Variants in HGD observed in about 807,000 individuals in gnomAD.
HGD encodes homogentisate oxidase.
In HGD, 61 loss-of-function variants were observed where a neutral mutation model predicts 60.8. The ratio of observed to expected loss-of-function variants is 1.00; its 90% confidence interval spans 0.82 to 1.24. The LOEUF (loss-of-function observed/expected upper bound fraction) is 1.24, where lower values mean the gene tolerates loss of function less well. Ranked by LOEUF, HGD falls within the 50% of genes most tolerant of loss-of-function variation. HGD has a pLI of 0.00. For synonymous variants in HGD, 212 were observed against 187.7 expected (o/e 1.13, Z -1.06); for missense variants, 542 against 547.1 (o/e 0.99, Z 0.09).
chr3:120,644,491 G>A (rs1371927231), intron 9 of HGD, 48 bp from the exon 10 acceptor site: 1 of 1,612,882 alleles, frequency 6.2e-7, no homozygotes, highest in Non-Finnish European at 8.5e-7. Flanking sequence ...CAAAACATAG[G>A]AAAGATGCCC....
At position 120,647,880 on chromosome 3, in the gene HGD, T is replaced by C; in HGVS notation, c.466A>G (p.Ile156Val). 1 of 1,612,138 alleles carries C rather than the reference T, an allele frequency of 6.2e-7. No homozygotes were observed. The highest frequency in any genetic ancestry group is 8.5e-7 in the Non-Finnish European group (1 of 1,178,128). ...CFYNSDGDFLIVPQKGNLLIY... is the reference protein window; with the variant it reads ...CFYNSDGDFLVVPQKGNLLIY... ...GTCTGAAGTCTTCAGAACTCACCAA[T>C]CAAGAAGTCCCCATCTGAATTGTAA... Residue 156 changes from isoleucine (I) to valine (V), a missense_variant, in exon 7 of 14, where the codon ATT (isoleucine) becomes GTT (valine). Around this residue, in one of 2 missense-constraint regions of HGD, gnomAD observed 537 missense variants for 529.1 expected, o/e 1.01. Transcript: ENST00000283871.
intron 1 of HGD, among the ~76,000 whole-genome samples, chr3:120,680,420 C>T (rs1209294618): frequency 6.6e-6 from 1 of 152,108 alleles, no homozygotes; most frequent in African/African-American, 2.4e-5. Context: ...GGGAAGAATG[C>T]CTTTGAAACT....
chr3:120,644,748 A>G (rs1941108437), intron 9 of HGD: 2 of 670,100 alleles, frequency 3.0e-6, no homozygotes, highest in Non-Finnish European at 4.5e-6. Context: ...GAGAAAGAGA[A>G]CTGAAAAGAG....
At chr3:120,678,595 A>C (rs2107562199) in intron 1 of HGD, among the ~76,000 whole-genome samples, 1 of 152,346 alleles carries the variant, frequency 6.6e-6, no homozygotes, top group East Asian at 1.9e-4. Flanking sequence ...AAAATAGGAA[A>C]GAAAGTAGAA....
chr3:120,663,408 T>C lies in HGD; in HGVS notation c.282+7019A>G, dbSNP rs1267179963. On this transcript the variant is annotated intron_variant, in intron 4 of 13. Coordinates refer to ENST00000283871, the MANE Select transcript of HGD (RefSeq NM_000187.4). ...CCACGTGGCTAGGAAAGCCTCACAA[T>C]GATAGCAGAAGGCAAGGAGGAGAAA... Among the ~76,000 whole-genome samples the C allele has an allele frequency of 3.9e-5, 6 of 152,210 alleles. No homozygotes were observed. The East Asian group carries it at 1.2e-3, about 29-fold the overall frequency.
intron 4 of HGD, among the ~76,000 whole-genome samples, chr3:120,657,822 A>T (rs1316125596): frequency 6.7e-6 from 1 of 148,628 alleles, no homozygotes; most frequent in East Asian, 2.0e-4. Context: ...CAGGAGTGAG[A>T]GAGAGAGAGA....
chr3:120,644,637 C>A, intron 9 of HGD, 194 bp from the exon 10 acceptor site: 1 of 1,525,258 alleles, frequency 6.6e-7, no homozygotes, highest in African/African-American at 1.4e-5. Context: ...GAAAAAAATT[C>A]ACAAAAACCA....
chr3:120,659,445 A>G (rs1221312794), intron 4 of HGD, among the ~76,000 whole-genome samples: 1 of 152,192 alleles, frequency 6.6e-6, no homozygotes, highest in Non-Finnish European at 1.5e-5. Flanking sequence ...CAATGCAGTC[A>G]AGTTCTTTGC....
At chr3:120,639,257 T>A (rs1255933877) in intron 11 of HGD, among the ~76,000 whole-genome samples, 1 of 152,168 alleles carries the variant, frequency 6.6e-6, no homozygotes, top group Non-Finnish European at 1.5e-5. Flanking sequence ...TTTATGTCCA[T>A]GGGTGCTCAA....
In HGD at chr3:120,674,894, C is replaced by T; in HGVS notation, c.176+7G>A. 2 of 1,591,210 alleles carry T rather than the reference C, an allele frequency of 1.3e-6. No individual in the cohort carries two copies. Among genetic ancestry groups the T allele is most frequent in the Non-Finnish European group, 1.7e-6 (2 of 1,159,736 alleles). On this transcript the variant is annotated splice_region_variant and intron_variant, in intron 3 of 13. Transcript: ENST00000283871. ...TCTGCAGGTCAGAATTCATCTAATC[C>T]TTGTACCTTCTCTTATTGGTGCTCC...
intron 3 of HGD, among the ~76,000 whole-genome samples, chr3:120,671,974 C>T (rs1040038052): frequency 6.8e-6 from 1 of 146,666 alleles, no homozygotes; most frequent in African/African-American, 2.5e-5. Flanking sequence ...ATAACACACA[C>T]TGGGGCCTGT....
At chr3:120,641,189 T>C (rs1322051691) in intron 11 of HGD, among the ~76,000 whole-genome samples, 1 of 152,210 alleles carries the variant, frequency 6.6e-6, no homozygotes, top group Non-Finnish European at 1.5e-5. Context: ...TCAGAGATCA[T>C]AGAGGAGGCT....
At chr3:120,640,059 G>T (rs1940918696) in intron 11 of HGD, among the ~76,000 whole-genome samples, 1 of 151,460 alleles carries the variant, frequency 6.6e-6, no homozygotes, top group South Asian at 2.1e-4. Flanking sequence ...GGTCAAGGAA[G>T]GCTTCAAAGA....
chr3:120,674,142 C>T (rs993836237), intron 3 of HGD, among the ~76,000 whole-genome samples: 36 of 152,172 alleles, frequency 2.4e-4, no homozygotes, highest in African/African-American at 8.2e-4. Flanking sequence ...CCCTTCTCCC[C>T]GAGTCTCTAA....
chr3:120,642,286 G>C (rs542365815), intron 10 of HGD, among the ~76,000 whole-genome samples: 1 of 152,276 alleles, frequency 6.6e-6, no homozygotes. Context: ...TGTATCTATG[G>C]GTCCGAAAGT....
chr3:120,676,956 C>T (rs549707964), intron 1 of HGD, among the ~76,000 whole-genome samples: 1 of 152,254 alleles, frequency 6.6e-6, no homozygotes, highest in South Asian at 2.1e-4. Flanking sequence ...TATTAGTTCC[C>T]CAAATTAATA....
intron 9 of HGD, among the ~76,000 whole-genome samples, chr3:120,645,164 A>G (rs541139707): frequency 1.4e-4 from 21 of 152,306 alleles, no homozygotes; most frequent in African/African-American, 5.1e-4. Flanking sequence ...CAAATTATAG[A>G]TATTTTCCAG....
chr3:120,665,373 G>C (rs1249944839), intron 4 of HGD, among the ~76,000 whole-genome samples: 3 of 152,100 alleles, frequency 2.0e-5, no homozygotes, highest in African/African-American at 7.2e-5. Context: ...AGGTTAGAAT[G>C]AAATAATAAG....
chr3:120,679,376 G>T (rs1330630037), intron 1 of HGD, among the ~76,000 whole-genome samples: 1 of 152,150 alleles, frequency 6.6e-6, no homozygotes, highest in East Asian at 1.9e-4. Context: ...TGTGGAAAAA[G>T]AGTCTAATAT....
Sources: allele counts gnomAD v4.1 joint callset (sites outside exome capture counted in the v4.1 genomes callset), GRCh38; gene constraint gnomAD v4.1.1; regional missense constraint gnomAD v4.1.1; transcripts MANE v1.5; gene names NCBI Gene and HGNC (gene_info 2026-07-23, HGNC 2026-07-21).